RBKS: variants seen among roughly 807,000 people sequenced by gnomAD.
RBKS encodes the protein ribokinase.
A neutral mutation model predicts 33.9 loss-of-function variants in RBKS; 33 were observed. That is an observed-to-expected ratio of 0.97 (90% CI 0.74 to 1.30). RBKS has a LOEUF of 1.30. RBKS is among the 50% of genes most tolerant of loss of function. The pLI is 0.00. For synonymous variants in RBKS, 125 were observed against 143.0 expected (o/e 0.87, Z 0.90); for missense variants, 361 against 392.6 (o/e 0.92, Z 0.68).
At chr2:27,800,049 C>CTTTTTT (rs35932747) in intron 7 of RBKS, among the ~76,000 whole-genome samples, 5 of 112,368 alleles carry the variant, frequency 4.4e-5, no homozygotes, top group Non-Finnish European at 8.9e-5. Flanking sequence ...TGTTAGGTGT[C>CTTTTTT]TTTTTTTTTT....
At chr2:27,876,300 T>C (rs1206014860) in intron 1 of RBKS, among the ~76,000 whole-genome samples, 1 of 152,160 alleles carries the variant, frequency 6.6e-6, no homozygotes, top group Non-Finnish European at 1.5e-5. Context: ...TTTTCAGCCT[T>C]AAAAGGAAGA....
chr2:27,792,243 TG>T (rs1177490781), intron 7 of RBKS, among the ~76,000 whole-genome samples: 1 of 152,252 alleles, frequency 6.6e-6, no homozygotes, highest in African/African-American at 2.4e-5. Context: ...TCTGGCAGCG[TG>T]GGCTTTGGAG....
At chr2:27,883,008 A>T (rs1347554065) in intron 1 of RBKS, among the ~76,000 whole-genome samples, 4 of 152,110 alleles carry the variant, frequency 2.6e-5, no homozygotes, top group African/African-American at 4.8e-5. Context: ...GACAAAAAAA[A>T]AATAATAATG....
Position 27,781,410 on chromosome 2 carries a change from C to A in RBKS, c.*205G>T. 1 of 525,358 alleles carries A rather than the reference C, an allele frequency of 1.9e-6. No homozygotes were observed. The highest frequency in any genetic ancestry group is 3.2e-5 in the East Asian group (1 of 31,324). The allele number at this position is 525,358 out of a possible 1,614,324, so 32.5% of individuals were successfully genotyped here. A position where few individuals can be genotyped will look rare whatever the true frequency, so the allele number is the denominator to read the frequency against. On this transcript the variant is annotated 3_prime_UTR_variant, in exon 8 of 8. Transcript: ENST00000302188. ...TTTGTACAGATCTTGGTTGTGGAAT[C>A]TTTAATTCTGGTTGTTTTGTGCAAA...
chr2:27,787,957 A>C (rs1412413561), intron 7 of RBKS, among the ~76,000 whole-genome samples: 2 of 152,208 alleles, frequency 1.3e-5, no homozygotes, highest in Non-Finnish European at 1.5e-5. Context: ...CATTTTAAAA[A>C]ATCAGTGTAA....
At chr2:27,868,729 TCTTA>T (rs1664147390) in intron 1 of RBKS, among the ~76,000 whole-genome samples, 1 of 152,228 alleles carries the variant, frequency 6.6e-6, no homozygotes, top group Non-Finnish European at 1.5e-5. Flanking sequence ...ATTCTTAAAA[TCTTA>T]CTTGTATTTC....
chr2:27,869,529 C>G (rs1286253670), intron 1 of RBKS, among the ~76,000 whole-genome samples: 1 of 152,174 alleles, frequency 6.6e-6, no homozygotes, highest in African/African-American at 2.4e-5. Context: ...TGGTCCCCAG[C>G]CTTTTTGGCA....
chr2:27,788,701 A>G (rs748549048), intron 7 of RBKS, among the ~76,000 whole-genome samples: 3 of 152,166 alleles, frequency 2.0e-5, no homozygotes, highest in South Asian at 2.1e-4. Flanking sequence ...AGCGAAAAAA[A>G]CCAATTCTAT....
rs1460030824 is a variant in RBKS at position 27,837,479 on chromosome 2, A to G, written c.515-4702T>C. 2.6e-5 allele frequency among the ~76,000 whole-genome samples: 4 copies of G among 152,188 alleles called. No individual in the cohort carries two copies. The highest frequency in any genetic ancestry group is 9.7e-5 in the African/African-American group (4 of 41,440). The stretch of plus-strand genomic sequence containing the variant: ...GACCCAGCAATCCTATGCCTGGTAC[A>G]CACCCAAAGGAAAACAGATCATTAT... On this transcript the variant is annotated intron_variant, in intron 5 of 7. Coordinates refer to ENST00000302188, the MANE Select transcript of RBKS (RefSeq NM_022128.3). This position sits in a 1 kb window ranked among gnomAD's most constrained non-coding sequence, Gnocchi z 4.0.
At chr2:27,862,634 A>G (rs1664013662) in intron 1 of RBKS, among the ~76,000 whole-genome samples, 1 of 152,042 alleles carries the variant, frequency 6.6e-6, no homozygotes, top group Admixed American at 6.5e-5. Flanking sequence ...TGCAAATGTC[A>G]AATACCTTTG....
At chr2:27,852,904 T>C (rs1204476293) in intron 2 of RBKS, among the ~76,000 whole-genome samples, 2 of 152,216 alleles carry the variant, frequency 1.3e-5, no homozygotes, top group Non-Finnish European at 2.9e-5. Context: ...TAAGTTGCAT[T>C]TGTTGTCATA....
intron 1 of RBKS, among the ~76,000 whole-genome samples, chr2:27,883,302 C>T (rs1664457292): frequency 6.6e-6 from 1 of 152,020 alleles, no homozygotes; most frequent in Non-Finnish European, 1.5e-5. Context: ...CTGGTTCACA[C>T]CATTCTCCTG....
At chr2:27,861,308 A>G (rs923253627) in intron 1 of RBKS, 6 of 373,598 alleles carry the variant, frequency 1.6e-5, no homozygotes, top group Non-Finnish European at 2.2e-5. Flanking sequence ...TATAGCATCT[A>G]TTCCTGTTCT....
intron 7 of RBKS, among the ~76,000 whole-genome samples, chr2:27,823,635 G>A (rs1157426422): frequency 6.6e-6 from 1 of 152,180 alleles, no homozygotes; most frequent in African/African-American, 2.4e-5. Flanking sequence ...AGGCTGCACA[G>A]CTGTGTGCAG....
At chr2:27,835,479 C>G (rs1000997095) in intron 5 of RBKS, among the ~76,000 whole-genome samples, 2 of 110,472 alleles carry the variant, frequency 1.8e-5, no homozygotes, top group African/African-American at 7.1e-5. Flanking sequence ...AGTATAGTGG[C>G]GCAATCTTGG....
intron 7 of RBKS, among the ~76,000 whole-genome samples, chr2:27,803,497 C>T (rs1364812779): frequency 6.6e-6 from 1 of 150,726 alleles, no homozygotes; most frequent in East Asian, 2.0e-4. Context: ...CAAGACAAGC[C>T]TGGGCAACAT....
intron 4 of RBKS, among the ~76,000 whole-genome samples, chr2:27,844,410 A>C (rs11896938): frequency 0.01 from 1,587 of 152,138 alleles, 23 homozygotes; most frequent in African/African-American, 0.037. Context: ...AATTAAGATA[A>C]ATTTTGGGGT....
intron 7 of RBKS, among the ~76,000 whole-genome samples, chr2:27,812,200 C>T (rs1677998537): frequency 6.6e-6 from 1 of 152,078 alleles, no homozygotes; most frequent in Non-Finnish European, 1.5e-5. Context: ...GTTAAAAAGT[C>T]AGGAAACAAC....
intron 7 of RBKS, among the ~76,000 whole-genome samples, chr2:27,793,338 A>C (rs995435695): frequency 6.6e-6 from 1 of 152,186 alleles, no homozygotes; most frequent in African/African-American, 2.4e-5. Flanking sequence ...TAATCCCCCC[A>C]CAGATTATGT....
Sources: gnomAD v4.1 joint callset for allele counts (sites outside exome capture counted in the v4.1 genomes callset) on GRCh38, gnomAD v4.1.1 for gene constraint, Gnocchi (gnomAD v3.1) non-coding constraint, MANE v1.5 for transcripts, NCBI Gene and HGNC (gene_info 2026-07-23, HGNC 2026-07-21) for gene names.